The following EXOC6 variants were observed in gnomAD, a reference collection of about 807,000 sequenced individuals.
EXOC6 encodes SEC15-like 1.
A neutral mutation model predicts 112.5 loss-of-function variants in EXOC6; 60 were observed. The ratio of observed to expected loss-of-function variants is 0.53; its 90% CI spans 0.43 to 0.66. The LOEUF (loss-of-function observed/expected upper bound fraction) is 0.66, where lower values mean the gene tolerates loss of function less well. EXOC6 is among the 30% of genes least tolerant of loss of function. EXOC6 has a pLI of 0.00. For synonymous variants in EXOC6, 295 were observed against 308.0 expected, an observed-to-expected ratio of 0.96 and a Z score of 0.44; for missense variants, 855 against 957.1, an observed-to-expected ratio of 0.89 and a Z score of 1.41.
chr10:92,858,553 T>C (rs1259099728), intron 1 of EXOC6, among the ~76,000 whole-genome samples: 4 of 152,228 alleles, frequency 2.6e-5, no homozygotes, highest in Non-Finnish European at 5.9e-5. Context: ...AATGAATTTT[T>C]CATTTATGTT....
chr10:92,838,855 T>C (rs1289284329), intron 1 of EXOC6, among the ~76,000 whole-genome samples: 2 of 152,116 alleles, frequency 1.3e-5, no homozygotes, highest in African/African-American at 4.8e-5. Context: ...CCAGCTCACT[T>C]GAGGTCAAGA....
At chr10:92,846,531 A>G (rs558415068), upstream of EXOC6, among the ~76,000 whole-genome samples, 1 of 152,300 alleles carries the variant, frequency 6.6e-6, no homozygotes, top group Admixed American at 6.5e-5. Context: ...TGAAAATTGA[A>G]ACTGAAACAT....
At chr10:92,843,041 G>A (rs970205755) in intron 1 of EXOC6, among the ~76,000 whole-genome samples, 13 of 152,176 alleles carry the variant, frequency 8.5e-5, no homozygotes, top group Non-Finnish European at 1.8e-4. Flanking sequence ...AAAAATAGTT[G>A]TTGAATGAAC....
At chr10:93,037,299 C>T (rs1042909679) in intron 20 of EXOC6, among the ~76,000 whole-genome samples, 1 of 151,774 alleles carries the variant, frequency 6.6e-6, no homozygotes, top group East Asian at 1.9e-4. Context: ...GCCACCACAC[C>T]CAGCTGATTT....
At chr10:92,847,996 A>G (rs1357332379), upstream of EXOC6, among the ~76,000 whole-genome samples, 4 of 152,090 alleles carry the variant, frequency 2.6e-5, no homozygotes, top group East Asian at 7.7e-4. Context: ...TTCATGGTCA[A>G]CTGGGATCTT....
intron 1 of EXOC6, among the ~76,000 whole-genome samples, chr10:92,886,494 T>G (rs1849225281): frequency 6.6e-6 from 1 of 152,194 alleles, no homozygotes; most frequent in Non-Finnish European, 1.5e-5. Flanking sequence ...TCTTCAAAGG[T>G]GATCTGGTTG....
intron 18 of EXOC6, among the ~76,000 whole-genome samples, chr10:92,975,920 G>C: frequency 7.3e-6 from 1 of 137,578 alleles, no homozygotes; most frequent in African/African-American, 2.7e-5. Context: ...GAGGGAGGTG[G>C]GGGGGTCAGC....
At chr10:93,020,324 A>G (rs911437150) in intron 20 of EXOC6, among the ~76,000 whole-genome samples, 1 of 152,176 alleles carries the variant, frequency 6.6e-6, no homozygotes, top group Non-Finnish European at 1.5e-5. Flanking sequence ...AGCAACTTAC[A>G]TATTAACAGC....
At chr10:92,957,512 A>G (rs1853759527) in intron 17 of EXOC6, among the ~76,000 whole-genome samples, 1 of 152,186 alleles carries the variant, frequency 6.6e-6, no homozygotes, top group African/African-American at 2.4e-5. Flanking sequence ...TTGAAGCCAT[A>G]ACTATCATTG....
chr10:92,911,289 G>T (rs547501617), intron 6 of EXOC6, among the ~76,000 whole-genome samples: 17 of 151,998 alleles, frequency 1.1e-4, no homozygotes, highest in Non-Finnish European at 2.4e-4. Context: ...GTCAGTGAGG[G>T]TCTTCCCCAT....
chr10:92,912,879 T>C (rs999060804), intron 6 of EXOC6, among the ~76,000 whole-genome samples: 2 of 152,200 alleles, frequency 1.3e-5, no homozygotes, highest in African/African-American at 2.4e-5. Flanking sequence ...ACTCCCCTCA[T>C]GCATCCATTT....
At chr10:92,961,911 C>T (rs1854024963) in intron 17 of EXOC6, among the ~76,000 whole-genome samples, 1 of 152,004 alleles carries the variant, frequency 6.6e-6, no homozygotes, top group African/African-American at 2.4e-5. Context: ...TATTTGTGAA[C>T]ACTTTTGAGG....
chr10:92,971,176 CG>C (rs1362784218), intron 17 of EXOC6, among the ~76,000 whole-genome samples: 1 of 152,060 alleles, frequency 6.6e-6, no homozygotes, highest in Non-Finnish European at 1.5e-5. Flanking sequence ...CTCAGCCTCC[CG>C]AGTAGCTGGG....
At chr10:92,970,207 T>C (rs1842240304) in intron 17 of EXOC6, among the ~76,000 whole-genome samples, 1 of 152,236 alleles carries the variant, frequency 6.6e-6, no homozygotes, top group Admixed American at 6.5e-5. Context: ...GTTCCCCATC[T>C]TGGATTCAGC....
At chr10:92,967,853 C>T (rs1842130811) in intron 17 of EXOC6, among the ~76,000 whole-genome samples, 1 of 152,162 alleles carries the variant, frequency 6.6e-6, no homozygotes, top group Non-Finnish European at 1.5e-5. Flanking sequence ...ATCCAGCTGC[C>T]TTCTGGAATT....
At chr10:92,892,593 C>G (rs1407727353) in intron 1 of EXOC6, among the ~76,000 whole-genome samples, 1 of 152,184 alleles carries the variant, frequency 6.6e-6, no homozygotes, top group Non-Finnish European at 1.5e-5. Flanking sequence ...TCAAAGCCTT[C>G]CAGGTAAACA....
intron 1 of EXOC6, among the ~76,000 whole-genome samples, chr10:92,867,767 A>G (rs966915237): frequency 6.6e-6 from 1 of 152,194 alleles, no homozygotes; most frequent in Non-Finnish European, 1.5e-5. Flanking sequence ...GCTGAGATGG[A>G]TATATAAATG....
intron 14 of EXOC6, among the ~76,000 whole-genome samples, chr10:92,950,392 T>A (rs1853334631): frequency 6.6e-6 from 1 of 152,174 alleles, no homozygotes; most frequent in African/African-American, 2.4e-5. Flanking sequence ...TTAGAATCAT[T>A]TGGCCAAAAT....
intron 4 of EXOC6, 91 bp from the exon 5 acceptor site, chr10:92,899,508 G>A: frequency 2.3e-6 from 2 of 856,716 alleles, no homozygotes; most frequent in South Asian, 3.4e-5. Context: ...TAATGAATTT[G>A]TAATATACTC....
Sources: allele counts gnomAD v4.1 joint callset (sites outside exome capture counted in the v4.1 genomes callset), GRCh38; gene constraint gnomAD v4.1.1; transcripts MANE v1.5; gene names NCBI Gene and HGNC (gene_info 2026-07-23, HGNC 2026-07-21).